Variants in FAM13B observed in about 807,000 individuals in gnomAD.
FAM13B encodes the protein family with sequence similarity 13 member B, also known as protein FAM13B.
Under a neutral mutation model 117.3 loss-of-function variants are expected in FAM13B, and 60 were observed. The ratio of observed to expected loss-of-function variants is 0.51; its 90% CI spans 0.42 to 0.63. The LOEUF (loss-of-function observed/expected upper bound fraction) is 0.63. Among genes scored for constraint, FAM13B ranks in the 30% least tolerant of loss-of-function variants. The probability of loss-of-function intolerance (pLI) is 0.00; values close to 1 mark genes in which losing one functional copy is unlikely to be tolerated. For missense variants in FAM13B, 972 were observed against 1,091.9 expected (o/e 0.89, Z 1.55); for synonymous variants, 332 against 356.1 (o/e 0.93, Z 0.76).
intron 10 of FAM13B, among the ~76,000 whole-genome samples, chr5:137,963,387 G>T (rs1294479734): frequency 6.6e-6 from 1 of 152,174 alleles, no homozygotes; most frequent in East Asian, 1.9e-4. Context: ...AAAATTTTAT[G>T]AAAACAGTTA....
At chr5:138,026,757 T>C (rs112811718) in intron 1 of FAM13B, among the ~76,000 whole-genome samples, 7 of 148,576 alleles carry the variant, frequency 4.7e-5, no homozygotes, top group African/African-American at 1.7e-4. Context: ...CTGGCCAACA[T>C]GGTAAAACCC....
At chr5:137,982,701 C>G (rs1278085493) in intron 10 of FAM13B, among the ~76,000 whole-genome samples, 2 of 152,184 alleles carry the variant, frequency 1.3e-5, no homozygotes, top group Non-Finnish European at 2.9e-5. Context: ...TCATCCGCAC[C>G]ACTGTCCACT....
At chr5:138,001,767 G>A (rs1454299469) in intron 7 of FAM13B, among the ~76,000 whole-genome samples, 1 of 152,122 alleles carries the variant, frequency 6.6e-6, no homozygotes, top group Non-Finnish European at 1.5e-5. Context: ...TGACATTTGA[G>A]CAAAGAATTG....
chr5:138,006,488 C>T (rs1274181118), intron 7 of FAM13B, among the ~76,000 whole-genome samples: 1 of 152,164 alleles, frequency 6.6e-6, no homozygotes, highest in Admixed American at 6.5e-5. Context: ...CCCAGTGGTC[C>T]CAGCTATGTG....
intron 10 of FAM13B, among the ~76,000 whole-genome samples, chr5:137,977,807 T>C (rs1360637021): frequency 6.6e-6 from 1 of 152,268 alleles, no homozygotes; most frequent in Non-Finnish European, 1.5e-5. Flanking sequence ...CCTCTTTCTT[T>C]ACCAATAATT....
At chr5:138,008,433 T>C (rs1472697882) in intron 6 of FAM13B, among the ~76,000 whole-genome samples, 1 of 151,902 alleles carries the variant, frequency 6.6e-6, no homozygotes, top group Non-Finnish European at 1.5e-5. Context: ...CAGAGTAAGA[T>C]TTGGTTTCGA....
intron 1 of FAM13B, among the ~76,000 whole-genome samples, chr5:138,046,887 A>T (rs996816646): frequency 1.3e-5 from 2 of 152,012 alleles, no homozygotes; most frequent in African/African-American, 2.4e-5. Context: ...CTGGGATTAC[A>T]GGCACCCACC....
At chr5:138,009,998 T>TAA (rs1469296197) in intron 6 of FAM13B, among the ~76,000 whole-genome samples, 2 of 152,110 alleles carry the variant, frequency 1.3e-5, no homozygotes, top group African/African-American at 4.8e-5. Flanking sequence ...TGTTTGTTTT[T>TAA]AAGATGGAGT....
intron 11 of FAM13B, 44 bp from the exon 12 acceptor site, chr5:137,960,258 G>T: frequency 8.9e-7 from 1 of 1,128,696 alleles, no homozygotes; most frequent in Non-Finnish European, 1.3e-6. Context: ...GAATAAAAAG[G>T]CTACTATCAT....
Position 137,985,391 on chromosome 5 carries a change from T to C in FAM13B, c.1047-2A>G. ...ATAATATCATCAGCAATATCAATCCTAGGGATGAAGTTTAAAAATCAGATC... is the reference window on the plus strand; with the variant it reads ...ATAATATCATCAGCAATATCAATCCCAGGGATGAAGTTTAAAAATCAGATC... On this transcript the variant is annotated splice_acceptor_variant, in intron 9 of 23. Transcript: ENST00000689681. LOFTEE classifies it high-confidence loss of function. 1 of 1,612,956 alleles carries C rather than the reference T, an allele frequency of 6.2e-7. No individual in the cohort carries two copies. Among genetic ancestry groups the C allele is most frequent in the Non-Finnish European group, 8.5e-7 (1 of 1,179,634 alleles).
At chr5:138,046,406 G>A (rs1390316331) in intron 1 of FAM13B, among the ~76,000 whole-genome samples, 1 of 152,220 alleles carries the variant, frequency 6.6e-6, no homozygotes, top group Non-Finnish European at 1.5e-5. Context: ...GGTGGTATGT[G>A]ACAGACAAGA....
intron 3 of FAM13B, 127 bp downstream of exon 3, chr5:138,018,821 TAAAAAGA>T: frequency 1.4e-6 from 1 of 740,358 alleles, no homozygotes; most frequent in Non-Finnish European, 2.1e-6. Context: ...ACTAAAACAT[TAAAAAGA>T]ATTTCTAGTT....
chr5:138,042,896 A>G (rs888865919), intron 1 of FAM13B, among the ~76,000 whole-genome samples: 2 of 152,204 alleles, frequency 1.3e-5, no homozygotes, highest in Admixed American at 6.6e-5. Context: ...GTTCAAGACC[A>G]GCCTGGCTAA....
intron 1 of FAM13B, among the ~76,000 whole-genome samples, chr5:138,028,181 T>C (rs184100511): frequency 6.6e-6 from 1 of 152,284 alleles, no homozygotes; most frequent in East Asian, 1.9e-4. Context: ...GAGGGCTCTA[T>C]TGCTTAAAAG....
chr5:138,000,599 A>C (rs553771891), intron 7 of FAM13B, among the ~76,000 whole-genome samples: 1 of 152,192 alleles, frequency 6.6e-6, no homozygotes, highest in South Asian at 2.1e-4. Flanking sequence ...ATAAAAATCC[A>C]CGAGGTCATA....
chr5:137,944,914 TA>T (rs995050384), intron 20 of FAM13B, among the ~76,000 whole-genome samples: 2 of 106,680 alleles, frequency 1.9e-5, no homozygotes, highest in Admixed American at 1.1e-4. Flanking sequence ...CTCATGGACA[TA>T]AAAAAAAGGC....
Position 137,946,248 on chromosome 5 carries a change from C to G in FAM13B, c.2224G>C (p.Glu742Gln). Residue 742 changes from glutamate (E) to glutamine (Q), a missense_variant, in exon 19 of 24, where the codon GAA becomes CAA. Transcript: ENST00000689681. ...ATTACCGGCCTTCCATGTTGACTTTCATAGTAAAGAAGACTTTTCTGAAGA... is the reference window on the plus strand; with the variant it reads ...ATTACCGGCCTTCCATGTTGACTTTGATAGTAAAGAAGACTTTTCTGAAGA... ...ASLQKSLLYY[E>Q]SQHGRPVTKE... The G allele has an allele frequency of 6.3e-7, 1 of 1,589,906 alleles. No individual in the cohort carries two copies. Among genetic ancestry groups the G allele is most frequent in the Non-Finnish European group, 8.5e-7 (1 of 1,172,970 alleles).
chr5:137,942,740 C>G (rs1277273923), intron 22 of FAM13B, 135 bp downstream of exon 22: 4 of 671,854 alleles, frequency 6.0e-6, no homozygotes, highest in Non-Finnish European at 9.5e-6. Flanking sequence ...GCAAATCACA[C>G]TTGAAAAGCA....
At chr5:138,001,006 A>C (rs1032762189) in intron 7 of FAM13B, among the ~76,000 whole-genome samples, 2 of 152,112 alleles carry the variant, frequency 1.3e-5, no homozygotes, top group Non-Finnish European at 2.9e-5. Flanking sequence ...CCCTGTAGTT[A>C]AATATTCTCA....
Sources: gnomAD v4.1 joint callset for allele counts (sites outside exome capture counted in the v4.1 genomes callset) on GRCh38, gnomAD v4.1.1 for gene constraint, MANE v1.5 for transcripts, NCBI Gene and HGNC (gene_info 2026-07-23, HGNC 2026-07-21) for gene names.